EHMT1: variants seen among roughly 807,000 people sequenced by gnomAD.
EHMT1 encodes histone-lysine N-methyltransferase EHMT1.
Under a neutral mutation model 147.2 loss-of-function variants are expected in EHMT1, and 15 were observed. The observed-to-expected ratio is 0.10, with a 90% confidence interval of 0.07 to 0.16. The LOEUF is 0.16. Ranked by LOEUF, EHMT1 falls within the 10% of genes least tolerant of loss-of-function variation. EHMT1 has a pLI of 1.00. For missense variants in EHMT1, 1,587 were observed against 1,772.4 expected (o/e 0.90, Z 1.88); for synonymous variants, 795 against 709.6 (o/e 1.12, Z -1.91).
chr9:137,818,007 GT>G, intron 24 of EHMT1, 52 bp from the exon 25 acceptor site: 1 of 1,567,442 alleles, frequency 6.4e-7, no homozygotes, highest in Non-Finnish European at 8.8e-7. Context: ...GTGCTTGTCT[GT>G]GGGCAGTGCT....
rs1954704696 is a variant in EHMT1, at chr9:137,813,988, T to G, written c.3181-443T>G. ...TGGTGCCCTCACTGCTTGCGCCTTCTCGAGCACTTTCCTTGTGGCTCTGCT... is the reference window on the plus strand; with the variant it reads ...TGGTGCCCTCACTGCTTGCGCCTTCGCGAGCACTTTCCTTGTGGCTCTGCT... On this transcript the variant is annotated intron_variant, in intron 21 of 26. Coordinates refer to ENST00000460843, the MANE Select transcript of EHMT1 (RefSeq NM_024757.5). This position sits in a 1 kb window ranked among gnomAD's most constrained non-coding sequence, Gnocchi z 4.9. 6.7e-6 allele frequency among the ~76,000 whole-genome samples: 1 copy of G among 148,828 alleles called. No individual in the cohort carries two copies. The highest frequency in any genetic ancestry group is 2.5e-5 in the African/African-American group (1 of 39,620).
At chr9:137,779,880 T>C (rs1951249094) in intron 14 of EHMT1, among the ~76,000 whole-genome samples, 163 bp downstream of exon 14, 1 of 152,252 alleles carries the variant, frequency 6.6e-6, no homozygotes, top group Non-Finnish European at 1.5e-5. Flanking sequence ...CCCACTGGTG[T>C]TGAGGCTTTT....
At chr9:137,686,399 T>C (rs562975164) in intron 1 of EHMT1, among the ~76,000 whole-genome samples, 1 of 152,144 alleles carries the variant, frequency 6.6e-6, no homozygotes, top group African/African-American at 2.4e-5. Flanking sequence ...TTTAATTTTT[T>C]TATTTTTTGA....
intron 3 of EHMT1, among the ~76,000 whole-genome samples, chr9:137,720,604 A>G (rs1330966468): frequency 6.6e-6 from 1 of 152,060 alleles, no homozygotes; most frequent in Non-Finnish European, 1.5e-5. Flanking sequence ...TGCCCGGCCT[A>G]TTTCTGATTT....
chr9:137,671,291 T>C (rs1176970923), intron 1 of EHMT1, among the ~76,000 whole-genome samples: 1 of 152,222 alleles, frequency 6.6e-6, no homozygotes, highest in Non-Finnish European at 1.5e-5. Context: ...GCCAGTGATT[T>C]TGTATGTTTT....
intron 1 of EHMT1, among the ~76,000 whole-genome samples, chr9:137,665,521 C>T (rs1341689876): frequency 6.6e-6 from 1 of 152,200 alleles, no homozygotes; most frequent in African/African-American, 2.4e-5. Flanking sequence ...GTTTGCTTTC[C>T]TACCCACTGT....
chr9:137,743,822 C>A, intron 5 of EHMT1, 80 bp from the exon 6 acceptor site: 1 of 1,505,700 alleles, frequency 6.6e-7, no homozygotes, highest in South Asian at 1.2e-5. Flanking sequence ...TCCCAGTCAC[C>A]CAAGACTCCT....
In EHMT1 at chr9:137,834,964, G is replaced by T. The variant is rs1476386924; in HGVS notation, c.*11G>T. 2 of 1,405,112 alleles carry T rather than the reference G, an allele frequency of 1.4e-6. No homozygotes were observed. Among genetic ancestry groups the T allele is most frequent in the South Asian group, 1.6e-5 (1 of 63,742 alleles). 87.0% of individuals were successfully genotyped at this position (1,405,112 alleles called of 1,614,324 possible). On this transcript the variant is annotated 3_prime_UTR_variant, in exon 27 of 27. Transcript: ENST00000460843. Reference sequence around the variant, plus strand: ...GCCGACCCCCTATGAGACGCCGCCGGCCAGCGGGGCGCTCGGGAGCCAGGG... The same window carrying T: ...GCCGACCCCCTATGAGACGCCGCCGTCCAGCGGGGCGCTCGGGAGCCAGGG...
intron 15 of EHMT1, among the ~76,000 whole-genome samples, chr9:137,789,856 C>T (rs1019423770): frequency 1.3e-5 from 2 of 152,208 alleles, no homozygotes; most frequent in African/African-American, 4.8e-5. Flanking sequence ...CAGCCTCCTG[C>T]GTAGCTGGGA....
intron 4 of EHMT1, among the ~76,000 whole-genome samples, chr9:137,737,224 A>G (rs1321990608): frequency 1.3e-5 from 2 of 152,182 alleles, no homozygotes; most frequent in Non-Finnish European, 2.9e-5. Flanking sequence ...AAAATAATAT[A>G]TGTATATGTG....
intron 6 of EHMT1, among the ~76,000 whole-genome samples, chr9:137,750,760 G>A (rs568544390): frequency 3.0e-4 from 45 of 152,326 alleles, no homozygotes; most frequent in African/African-American, 9.9e-4. Flanking sequence ...CGTGGCTGCC[G>A]GAGGGGGCGC....
chr9:137,815,900 AAG>A, intron 22 of EHMT1, 45 bp from the exon 23 acceptor site: 2 of 1,473,088 alleles, frequency 1.4e-6, no homozygotes, highest in Non-Finnish European at 1.9e-6. Context: ...AGTTCAATTA[AAG>A]AGTGAGTAAC....
intron 18 of EHMT1, among the ~76,000 whole-genome samples, chr9:137,801,581 C>T (rs1194598383): frequency 2.0e-5 from 3 of 152,182 alleles, no homozygotes; most frequent in Admixed American, 6.5e-5. Flanking sequence ...TCACTGCAAC[C>T]TCCACCTCCC....
At chr9:137,759,897 G>A (rs1949673208) in intron 9 of EHMT1, among the ~76,000 whole-genome samples, 1 of 152,220 alleles carries the variant, frequency 6.6e-6, no homozygotes, top group African/African-American at 2.4e-5. Flanking sequence ...TGCTGAGCGG[G>A]TCAGTGGGGG....
intron 1 of EHMT1, among the ~76,000 whole-genome samples, chr9:137,670,357 T>C (rs1447576811): frequency 6.6e-6 from 1 of 152,186 alleles, no homozygotes; most frequent in Admixed American, 6.5e-5. Context: ...TTTCTGTCGG[T>C]AGCCTTCCTC....
intron 1 of EHMT1, among the ~76,000 whole-genome samples, chr9:137,653,031 G>A (rs1938036437): frequency 6.6e-6 from 1 of 152,096 alleles, no homozygotes. Context: ...CCTGGCCTTA[G>A]ATGGTGTAGC....
At chr9:137,641,100 A>C (rs770191137) in intron 1 of EHMT1, 1 of 297,548 alleles carries the variant, frequency 3.4e-6, no homozygotes, top group Admixed American at 4.1e-5. Context: ...TTGGGAACCA[A>C]GGAGCACTGT....
At chr9:137,797,520 C>G (rs75987386) in intron 16 of EHMT1, among the ~76,000 whole-genome samples, 1,565 of 152,282 alleles carry the variant, frequency 0.01, 10 homozygotes, top group Non-Finnish European at 0.016. Flanking sequence ...GACAGTCTGC[C>G]AGCAGTTAGG....
At chr9:137,739,355 CAA>C (rs58376791) in intron 4 of EHMT1, among the ~76,000 whole-genome samples, 38 of 94,434 alleles carry the variant, frequency 4.0e-4, no homozygotes, top group African/African-American at 3.8e-4. Flanking sequence ...GACTCAGTCT[CAA>C]AAAAAAAAAA....
Sources: allele counts gnomAD v4.1 joint callset (sites outside exome capture counted in the v4.1 genomes callset), GRCh38; gene constraint gnomAD v4.1.1; non-coding constraint Gnocchi (gnomAD v3.1); transcripts MANE v1.5; gene names NCBI Gene and HGNC (gene_info 2026-07-23, HGNC 2026-07-21).